Variants in PCDHGB7 observed in about 807,000 individuals in gnomAD.
PCDHGB7 encodes the protein protocadherin gamma-B7.
In PCDHGB7, 37 loss-of-function variants were observed where a neutral mutation model predicts 61.4. The observed-to-expected ratio is 0.60, with a 90% CI of 0.46 to 0.79. The LOEUF (loss-of-function observed/expected upper bound fraction) is 0.79. PCDHGB7 is among the 30% of genes least tolerant of loss of function. The probability of loss-of-function intolerance (pLI) is 0.00; values close to 1 mark genes in which losing one functional copy is unlikely to be tolerated. For missense variants in PCDHGB7, 1,166 were observed against 1,202.5 expected (o/e 0.97, Z 0.45); for synonymous variants, 464 against 503.5 (o/e 0.92, Z 1.05).
chr5:141,457,428 C>G (rs72790053), intron 1 of PCDHGB7, among the ~76,000 whole-genome samples: 1,866 of 152,262 alleles, frequency 0.012, 18 homozygotes, highest in Non-Finnish European at 0.017. Context: ...TTTTTCCCCC[C>G]CACCAAGCTG....
Position 141,433,359 on chromosome 5 carries a change from CTAT to C in PCDHGB7, c.2415+13086_2415+13088del, listed in dbSNP as rs2097588942. 4 of 228,708 alleles carry C rather than the reference CTAT, an allele frequency of 1.7e-5. No homozygotes were observed. In the African/African-American group the frequency reaches 3.4e-4, roughly 19 times the overall value. The allele number at this position is 228,708 out of a possible 1,614,324, so 14.2% of individuals were successfully genotyped here. ...CAGGTGCAAGCCACCTACTGTCTGC[CTAT>C]CTATCTATCTATCTATCTATCTATC... On this transcript the variant is annotated intron_variant, in intron 1 of 3. Coordinates refer to ENST00000398594, the MANE Select transcript of PCDHGB7 (RefSeq NM_018927.4).
At chr5:141,482,719 G>C (rs1221351410) in intron 1 of PCDHGB7, among the ~76,000 whole-genome samples, 1 of 129,252 alleles carries the variant, frequency 7.7e-6, no homozygotes, top group African/African-American at 3.5e-5. Flanking sequence ...GGCAGGGAGG[G>C]GCCATTGCAA....
rs112808093 is a variant in PCDHGB7, at chr5:141,489,579, C to A, written c.2416-5228C>A. ...CAGTGCAGGTGGTGACTGAACACCC[C>A]CTGGAGCTAATCCGTGTAGAGGTAG... On this transcript the variant is annotated intron_variant, in intron 1 of 3. Coordinates refer to ENST00000398594, the MANE Select transcript of PCDHGB7 (RefSeq NM_018927.4). This position sits in a 1 kb window ranked among gnomAD's most constrained non-coding sequence, Gnocchi z 4.5. 1.2e-6 allele frequency: 2 copies of A among 1,613,922 alleles called. No individual in the cohort carries two copies. Among genetic ancestry groups the A allele is most frequent in the African/African-American group, 2.7e-5 (2 of 74,916 alleles).
rs1433992932 is a variant in PCDHGB7 at position 141,419,646 on chromosome 5, C to T, written c.1787C>T (p.Ala596Val). Reference sequence around the variant, plus strand: ...GTGACCAAGGTGGTGGCCGTGGACGCGGACTCGGGGCACAATGCCTGGCTG... The same window carrying T: ...GTGACCAAGGTGGTGGCCGTGGACGTGGACTCGGGGCACAATGCCTGGCTG... ...YLVTKVVAVD[A>V]DSGHNAWLSY... Residue 596 changes from alanine (A) to valine (V), a missense_variant, in exon 1 of 4, where the codon GCG (alanine) becomes GTG (valine). Transcript: ENST00000398594. 1 of 1,612,470 alleles carries T rather than the reference C, an allele frequency of 6.2e-7. No homozygotes were observed. The highest frequency in any genetic ancestry group is 1.7e-5 in the Admixed American group (1 of 60,002).
At chr5:141,494,780 G>A (rs1314622459) in intron 1 of PCDHGB7, 27 bp from the exon 2 acceptor site, 13 of 1,613,898 alleles carry the variant, frequency 8.1e-6, no homozygotes, top group African/African-American at 1.3e-5. Context: ...CGGGTACTCA[G>A]CCCCTTTCCC....
rs2099416627 is a variant in PCDHGB7 at position 141,477,726 on chromosome 5, C to T, written c.2416-17081C>T. 6.2e-7 allele frequency: 1 copy of T among 1,613,822 alleles called. No homozygotes were observed. The highest frequency in any genetic ancestry group is 8.5e-7 in the Non-Finnish European group (1 of 1,180,020). ...GATCGGCGGGAATTTGAATTAACAG[C>T]TCATATCAGCGATGGGGGCACCCCG... On this transcript the variant is annotated intron_variant, in intron 1 of 3. Coordinates refer to ENST00000398594, the MANE Select transcript of PCDHGB7 (RefSeq NM_018927.4). This position sits in a 1 kb window ranked among gnomAD's most constrained non-coding sequence, Gnocchi z 4.9.
intron 1 of PCDHGB7, among the ~76,000 whole-genome samples, chr5:141,473,542 G>A (rs1444751260): frequency 6.6e-6 from 1 of 152,176 alleles, no homozygotes; most frequent in Non-Finnish European, 1.5e-5. Flanking sequence ...GGGGCCTAAT[G>A]GAAGACCTCT....
In PCDHGB7 at chr5:141,511,233, T is replaced by C. The variant is rs776405064; in HGVS notation, c.*60T>C. 5.0e-6 allele frequency: 8 copies of C among 1,595,310 alleles called. No homozygotes were observed. Among genetic ancestry groups the C allele is most frequent in the Non-Finnish European group, 6.8e-6 (8 of 1,170,902 alleles). On this transcript the variant is annotated 3_prime_UTR_variant, in exon 4 of 4. Transcript: ENST00000398594. ...CTCCCCAACCAGCCCAGCTTCTCCT[T>C]ACCTGCACCCAGGCCTCAGAGTTTC...
chr5:141,476,551 C>A lies in PCDHGB7; in HGVS notation c.2416-18256C>A, dbSNP rs367700651. 6.2e-7 allele frequency: 1 copy of A among 1,614,196 alleles called. No individual in the cohort carries two copies. The highest frequency in any genetic ancestry group is 1.7e-5 in the Admixed American group (1 of 60,028). ...CCCAGGAAATGAAATTGGAGATTAG[C>A]GAGGCCGTGGCTCCGGGGACGCGCT... On this transcript the variant is annotated intron_variant, in intron 1 of 3. Transcript: ENST00000398594. This position sits in a 1 kb window ranked among gnomAD's most constrained non-coding sequence, Gnocchi z 7.6.
intron 1 of PCDHGB7, among the ~76,000 whole-genome samples, chr5:141,466,670 G>T (rs994949602): frequency 6.6e-6 from 1 of 152,046 alleles, no homozygotes; most frequent in Non-Finnish European, 1.5e-5. Flanking sequence ...TGATTTCACC[G>T]TTCTTCCACT....
At position 141,419,946 on chromosome 5, in the gene PCDHGB7, T is replaced by C; in HGVS notation, c.2087T>C (p.Leu696Ser). The C allele has an allele frequency of 6.2e-7, 1 of 1,614,086 alleles. No homozygotes were observed. Among genetic ancestry groups the C allele is most frequent in the Non-Finnish European group, 8.5e-7 (1 of 1,179,898 alleles). The change falls in exon 1 of 4, where the codon TTG becomes TCG. Residue 696 changes from leucine to serine, a missense_variant. Physicochemically the swap from Leu to Ser is moderately radical, Grantham distance 145. Transcript: ENST00000398594. ...AEMQFYLVVA[L>S]ALISVLFLLA... is the part of the protein sequence containing the mutation. Reference sequence around the variant, plus strand: ...ATGCAGTTTTACCTGGTGGTGGCCTTGGCCTTGATTTCTGTGCTCTTTCTC... The same window carrying C: ...ATGCAGTTTTACCTGGTGGTGGCCTCGGCCTTGATTTCTGTGCTCTTTCTC...
intron 1 of PCDHGB7, among the ~76,000 whole-genome samples, chr5:141,455,137 G>A (rs892739175): frequency 2.7e-5 from 4 of 150,642 alleles, no homozygotes; most frequent in African/African-American, 9.8e-5. Flanking sequence ...ATTACACTGT[G>A]TTAAATAAAT....
intron 2 of PCDHGB7, among the ~76,000 whole-genome samples, chr5:141,503,292 A>G (rs7710319): frequency 6.6e-6 from 1 of 151,928 alleles, no homozygotes; most frequent in African/African-American, 2.4e-5. Flanking sequence ...TGGTACATAG[A>G]AATTGCTCAA....
chr5:141,476,267 G>T lies in PCDHGB7; in HGVS notation c.2416-18540G>T, dbSNP rs373758158. 15 of 1,614,056 alleles carry T rather than the reference G, an allele frequency of 9.3e-6. No homozygotes were observed. In the South Asian group the frequency reaches 1.6e-4, roughly 18 times the overall value. On this transcript the variant is annotated intron_variant, in intron 1 of 3. Transcript: ENST00000398594. This position sits in a 1 kb window ranked among gnomAD's most constrained non-coding sequence, Gnocchi z 7.6. ...GAAGGGTTTCGCTGTGGGCAACGTGGTCGCGAACCTTGGTTTGGATCTCGG... is the reference window on the plus strand; with the variant it reads ...GAAGGGTTTCGCTGTGGGCAACGTGTTCGCGAACCTTGGTTTGGATCTCGG...
In PCDHGB7 at chr5:141,489,504, A is replaced by G. The variant is rs148241772; in HGVS notation, c.2416-5303A>G. 193 of 1,614,016 alleles carry G rather than the reference A, an allele frequency of 1.2e-4. No individual in the cohort carries two copies. Among genetic ancestry groups the G allele is most frequent in the Non-Finnish European group, 1.6e-4 (184 of 1,180,046 alleles). On this transcript the variant is annotated intron_variant, in intron 1 of 3. Transcript: ENST00000398594. The surrounding 1 kb of genome is among the most constrained non-coding windows in gnomAD (Gnocchi z 4.5). ...TGAGTGGTGCCCTGGCAGTGAATCA[A>G]AAGATTGACCGAGAAAGCCTATGTG...
At chr5:141,423,264 C>G (rs1452323474) in intron 1 of PCDHGB7, 1 of 1,613,986 alleles carries the variant, frequency 6.2e-7, no homozygotes. Flanking sequence ...TCGGCAGCCT[C>G]GAGTCTCTGG....
chr5:141,497,812 T>C (rs947015544), intron 2 of PCDHGB7, among the ~76,000 whole-genome samples: 2 of 152,202 alleles, frequency 1.3e-5, no homozygotes, highest in African/African-American at 4.8e-5. Flanking sequence ...AGTGCTAGAA[T>C]TACAGGTGTG....
intron 1 of PCDHGB7, among the ~76,000 whole-genome samples, chr5:141,494,361 G>A (rs1311268562): frequency 6.6e-6 from 1 of 152,184 alleles, no homozygotes; most frequent in African/African-American, 2.4e-5. Flanking sequence ...TGCTGCAGAG[G>A]ATGCTTTGTT....
rs750804901 is a variant in PCDHGB7 at position 141,476,422 on chromosome 5, C to G, written c.2416-18385C>G. On this transcript the variant is annotated intron_variant, in intron 1 of 3. Coordinates refer to ENST00000398594, the MANE Select transcript of PCDHGB7 (RefSeq NM_018927.4). The surrounding 1 kb of genome is among the most constrained non-coding windows in gnomAD (Gnocchi z 7.6). ...GAGAGGAGCTGTGTGGGACACTGCC[C>G]TCTTGCACTGTAACTCTGGAGTTGG... 17 of 1,614,026 alleles carry G rather than the reference C, an allele frequency of 1.1e-5. No individual in the cohort carries two copies. The highest frequency in any genetic ancestry group is 1.4e-5 in the Non-Finnish European group (17 of 1,180,030).
Sources: allele counts gnomAD v4.1 joint callset (sites outside exome capture counted in the v4.1 genomes callset), GRCh38; gene constraint gnomAD v4.1.1; non-coding constraint Gnocchi (gnomAD v3.1); transcripts MANE v1.5; gene names NCBI Gene and HGNC (gene_info 2026-07-23, HGNC 2026-07-21).